Variants in ANKRD11 observed in about 807,000 individuals in gnomAD.
The protein encoded by ANKRD11 is ankyrin repeat domain-containing protein 11.
In ANKRD11, 17 loss-of-function variants were observed where a neutral mutation model predicts 195.7. The observed-to-expected ratio is 0.09, with a 90% CI of 0.06 to 0.13. The LOEUF is 0.13. ANKRD11 is among the 10% of genes least tolerant of loss of function. The probability of loss-of-function intolerance (pLI) is 1.00; values close to 1 mark genes in which losing one functional copy is unlikely to be tolerated. For synonymous variants in ANKRD11, 1,953 were observed against 1,528.1 expected (o/e 1.28, Z -6.49); for missense variants, 3,735 against 3,566.1 (o/e 1.05, Z -1.21).
chr16:89,416,254 T>C lies in ANKRD11; in HGVS notation c.-60+2030A>G, dbSNP rs570950221. 3.7e-4 allele frequency among the ~76,000 whole-genome samples: 57 copies of C among 152,258 alleles called. 1 individual carries two copies. The South Asian group carries it at 5.8e-3, about 15-fold the overall frequency. On this transcript the variant is annotated intron_variant, in intron 2 of 12. Coordinates refer to ENST00000301030, the MANE Select transcript of ANKRD11 (RefSeq NM_013275.6). ...CAGGTCCTGTCAGCAGAGTTGCTGA[T>C]AGCTTGCTCCCCTTTAATCAGAGAA...
intron 12 of ANKRD11, among the ~76,000 whole-genome samples, chr16:89,269,756 C>T (rs1336912340): frequency 6.6e-6 from 1 of 152,016 alleles, no homozygotes; most frequent in Non-Finnish European, 1.5e-5. Flanking sequence ...CCACCATGCC[C>T]AGCTAATTTT....
At chr16:89,270,710 TG>T in intron 12 of ANKRD11, 106 bp downstream of exon 12, 1 of 1,090,946 alleles carries the variant, frequency 9.2e-7, no homozygotes, top group Non-Finnish European at 1.4e-6. Flanking sequence ...ATCACAGAAC[TG>T]GGCAGCGGCC....
chr16:89,356,796 GA>G (rs2039501166), intron 2 of ANKRD11, among the ~76,000 whole-genome samples: 1 of 132,510 alleles, frequency 7.5e-6, no homozygotes, highest in Non-Finnish European at 1.6e-5. Flanking sequence ...AAAAAAAAAA[GA>G]AAAAAGAAAA....
At chr16:89,348,415 G>GTAT (rs2039046534) in intron 2 of ANKRD11, among the ~76,000 whole-genome samples, 1 of 152,104 alleles carries the variant, frequency 6.6e-6, no homozygotes, top group African/African-American at 2.4e-5. Context: ...ATTTACATCA[G>GTAT]TATTAATGTG....
chr16:89,323,218 C>T (rs748345644), intron 2 of ANKRD11: 14 of 987,070 alleles, frequency 1.4e-5, no homozygotes, highest in Middle Eastern at 2.4e-4. Flanking sequence ...ACGGACTGAG[C>T]GGAGGAAAAA....
chr16:89,305,367 C>A lies in ANKRD11; in HGVS notation c.88-23G>T, dbSNP rs774758094. 15 of 1,613,678 alleles carry A rather than the reference C, an allele frequency of 9.3e-6. No homozygotes were observed. The African/African-American group carries it at 1.7e-4, about 19-fold the overall frequency. On this transcript the variant is annotated intron_variant, in intron 3 of 12. Transcript: ENST00000301030. ...ATCCTAGAAAAGAAAGGGATGCTTT[C>A]AGTCGTGATGTCCAAATTACATTCT...
intron 4 of ANKRD11, chr16:89,305,003 C>T: frequency 4.0e-6 from 3 of 746,488 alleles, no homozygotes; most frequent in Non-Finnish European, 6.3e-6. Flanking sequence ...CCAATCGGCC[C>T]CATGGGCCTG....
At chr16:89,315,976 C>T (rs995187304) in intron 3 of ANKRD11, among the ~76,000 whole-genome samples, 4 of 152,130 alleles carry the variant, frequency 2.6e-5, no homozygotes, top group African/African-American at 7.2e-5. Context: ...CCAGAGCAAC[C>T]GGCAACCAGG....
chr16:89,415,840 A>AAAAAAAAAAAAAAAAAAAAAAAAAG (rs2042282975), intron 2 of ANKRD11, among the ~76,000 whole-genome samples: 1 of 144,192 alleles, frequency 6.9e-6, no homozygotes, highest in African/African-American at 2.6e-5. Context: ...AAAAAAAAAA[A>AAAAAAAAAAAAAAAAAAAAAAAAAG]AAAAAAAAAA....
intron 2 of ANKRD11, among the ~76,000 whole-genome samples, chr16:89,383,014 G>A (rs1447418428): frequency 8.5e-5 from 13 of 152,168 alleles, no homozygotes; most frequent in Non-Finnish European, 1.2e-4. Flanking sequence ...CTTGTAAAGC[G>A]TAACTTTTAA....
At chr16:89,341,307 C>A (rs75093103) in intron 2 of ANKRD11, among the ~76,000 whole-genome samples, 6,645 of 152,128 alleles carry the variant, frequency 0.044, 523 homozygotes, top group African/African-American at 0.15. Flanking sequence ...CAGGATTTTT[C>A]GTTTTAAATT....
intron 1 of ANKRD11, among the ~76,000 whole-genome samples, chr16:89,485,321 T>C (rs2057573072): frequency 7.1e-6 from 1 of 140,346 alleles, no homozygotes; most frequent in South Asian, 2.4e-4. Flanking sequence ...CCATCTCTAC[T>C]TTAAAAAAAA....
chr16:89,380,070 T>C (rs1273781435), intron 2 of ANKRD11, among the ~76,000 whole-genome samples: 1 of 152,166 alleles, frequency 6.6e-6, no homozygotes, highest in Non-Finnish European at 1.5e-5. Context: ...AAATTCACTA[T>C]GGAAAGATGT....
intron 3 of ANKRD11, among the ~76,000 whole-genome samples, chr16:89,306,380 TTACC>T (rs2036243840): frequency 2.3e-4 from 1 of 4,426 alleles, no homozygotes; most frequent in Admixed American, 2.4e-3. Flanking sequence ...CACGCGCCAC[TTACC>T]TCCCACTCCG....
At chr16:89,297,335 G>A (rs1000360030) in intron 4 of ANKRD11, among the ~76,000 whole-genome samples, 1 of 152,150 alleles carries the variant, frequency 6.6e-6, no homozygotes, top group African/African-American at 2.4e-5. Flanking sequence ...TTTCCATGGC[G>A]ATATTTTCAA....
chr16:89,419,212 G>A (rs981488822), intron 1 of ANKRD11, among the ~76,000 whole-genome samples: 1 of 151,944 alleles, frequency 6.6e-6, no homozygotes, highest in Non-Finnish European at 1.5e-5. Flanking sequence ...AGCACTTTGG[G>A]AGGCCGAGGT....
chr16:89,300,264 G>A (rs953033314), intron 4 of ANKRD11: 7 of 235,474 alleles, frequency 3.0e-5, no homozygotes, highest in Non-Finnish European at 6.0e-5. Flanking sequence ...CGTGGGGTCT[G>A]CTACACGCTT....
intron 4 of ANKRD11, among the ~76,000 whole-genome samples, chr16:89,293,053 C>A (rs187070040): frequency 7.8e-4 from 119 of 152,320 alleles, no homozygotes; most frequent in African/African-American, 2.7e-3. Flanking sequence ...CCAGGAGGGG[C>A]CCACACTCAC....
chr16:89,283,958 C>G lies in ANKRD11; in HGVS notation c.2584G>C (p.Val862Leu). The change falls in exon 9 of 13, where the codon GTG (valine) becomes CTG (leucine). Residue 862 changes from valine (V) to leucine (L), a missense_variant. Physicochemically the swap from Val to Leu is conservative, Grantham distance 32 (BLOSUM62 1). Transcript: ENST00000301030. The surrounding 1 kb of genome is among the most constrained non-coding windows in gnomAD (Gnocchi z 4.3). ...CTCTTCATGTCCCTGTAGTCTGTCA[C>G]TGGCGAGTCCCAGCTGTCCTCCCCT... is the stretch of plus-strand genomic sequence containing the variant. The part of the protein sequence containing the change: ...FKGEDSWDSP[V>L]TDYRDMKSDS... 6.2e-7 allele frequency: 1 copy of G among 1,614,200 alleles called. No individual in the cohort carries two copies. Among genetic ancestry groups the G allele is most frequent in the Non-Finnish European group, 8.5e-7 (1 of 1,180,038 alleles).
Sources: gnomAD v4.1 joint callset for allele counts (sites outside exome capture counted in the v4.1 genomes callset) on GRCh38, gnomAD v4.1.1 for gene constraint, Gnocchi (gnomAD v3.1) non-coding constraint, MANE v1.5 for transcripts, NCBI Gene and HGNC (gene_info 2026-07-23, HGNC 2026-07-21) for gene names.